RAB3C: variants seen among roughly 807,000 people sequenced by gnomAD.
RAB3C encodes ras-related protein Rab-3C.
Under a neutral mutation model 26.4 loss-of-function variants are expected in RAB3C, and 17 were observed. The ratio of observed to expected loss-of-function variants is 0.64; its 90% confidence interval spans 0.44 to 0.97. RAB3C has a LOEUF of 0.97. RAB3C is among the 50% of genes least tolerant of loss of function. The probability of loss-of-function intolerance (pLI) is 0.00; values close to 1 mark genes in which losing one functional copy is unlikely to be tolerated. For missense variants in RAB3C, 242 were observed against 281.9 expected (o/e 0.86, Z 1.01); for synonymous variants, 91 against 95.9 (o/e 0.95, Z 0.30).
intron 2 of RAB3C, among the ~76,000 whole-genome samples, chr5:58,708,021 C>T (rs1171202011): frequency 1.4e-5 from 2 of 147,766 alleles, no homozygotes; most frequent in Non-Finnish European, 3.0e-5. Context: ...GACAGGGTCT[C>T]TCTGTGTTGC....
chr5:58,640,775 C>A (rs1214793989), intron 2 of RAB3C, among the ~76,000 whole-genome samples: 1 of 152,162 alleles, frequency 6.6e-6, no homozygotes, highest in Non-Finnish European at 1.5e-5. Context: ...GGATGCTAAT[C>A]ACACTTAACA....
chr5:58,811,904 C>T (rs549932084), intron 3 of RAB3C, among the ~76,000 whole-genome samples: 7 of 152,100 alleles, frequency 4.6e-5, no homozygotes, highest in African/African-American at 1.7e-4. Context: ...ACCCCAGAGA[C>T]CCCAGCCCCA....
At chr5:58,603,938 G>A (rs1456420739) in intron 1 of RAB3C, among the ~76,000 whole-genome samples, 1 of 152,208 alleles carries the variant, frequency 6.6e-6, no homozygotes, top group African/African-American at 2.4e-5. Context: ...GGTAGGCTCT[G>A]TCAGAGGGAA....
chr5:58,625,266 C>A (rs1296363528), intron 2 of RAB3C, among the ~76,000 whole-genome samples: 3 of 152,084 alleles, frequency 2.0e-5, no homozygotes, highest in African/African-American at 7.2e-5. Context: ...ATTAATATTG[C>A]TCTTTATAAG....
chr5:58,851,309 C>A lies in RAB3C; in HGVS notation c.642C>A (p.Leu214=), dbSNP rs1220710055. 6.2e-7 allele frequency: 1 copy of A among 1,611,660 alleles called. No individual in the cohort carries two copies. The highest frequency in any genetic ancestry group is 1.7e-5 in the Admixed American group (1 of 59,386). The change falls in exon 5 of 5, where the codon CTC becomes CTA. Residue 214 remains leucine (L), a synonymous_variant. Transcript: ENST00000282878. The part of the protein sequence containing the change: ...AITAAKQNTR[L]KETPPPPQPN... ...CTGCTGCAAAGCAGAACACGAGACTCAAGGAAACTCCTCCTCCACCGCAGC... is the reference window on the plus strand; with the variant it reads ...CTGCTGCAAAGCAGAACACGAGACTAAAGGAAACTCCTCCTCCACCGCAGC...
upstream of RAB3C, chr5:58,582,998 G>A: frequency 7.4e-7 from 1 of 1,353,516 alleles, no homozygotes; most frequent in Non-Finnish European, 9.6e-7. Flanking sequence ...AACACCCGGA[G>A]GGCGAGACTA....
intron 1 of RAB3C, among the ~76,000 whole-genome samples, chr5:58,609,810 C>T (rs1019781723): frequency 6.6e-6 from 1 of 152,148 alleles, no homozygotes; most frequent in African/African-American, 2.4e-5. Context: ...CTGAATCTGA[C>T]CTTTTCCGGG....
intron 2 of RAB3C, among the ~76,000 whole-genome samples, chr5:58,630,824 A>C (rs1747172516): frequency 6.6e-6 from 1 of 152,252 alleles, no homozygotes; most frequent in Non-Finnish European, 1.5e-5. Context: ...TAATATTAGC[A>C]GAAGACTACA....
intron 3 of RAB3C, among the ~76,000 whole-genome samples, chr5:58,745,577 G>A (rs1741387017): frequency 6.6e-6 from 1 of 151,830 alleles, no homozygotes; most frequent in Non-Finnish European, 1.5e-5. Flanking sequence ...AGTCCTCCTT[G>A]TCCCCTAAAG....
At chr5:58,654,514 G>T (rs1747724140) in intron 2 of RAB3C, among the ~76,000 whole-genome samples, 1 of 151,978 alleles carries the variant, frequency 6.6e-6, no homozygotes, top group Admixed American at 6.6e-5. Context: ...TTACAAAGAG[G>T]TTGCTTAAAT....
chr5:58,838,550 T>C (rs1743799641), intron 4 of RAB3C, among the ~76,000 whole-genome samples: 1 of 152,226 alleles, frequency 6.6e-6, no homozygotes, highest in South Asian at 2.1e-4. Context: ...TGTGGTCAGG[T>C]AAGATACTTA....
intron 2 of RAB3C, among the ~76,000 whole-genome samples, chr5:58,628,504 A>T (rs1308012707): frequency 6.6e-6 from 1 of 152,106 alleles, no homozygotes; most frequent in Non-Finnish European, 1.5e-5. Flanking sequence ...GGCCTTTTAG[A>T]ACACAGCCAC....
At chr5:58,748,225 C>T (rs1579896662) in intron 3 of RAB3C, among the ~76,000 whole-genome samples, 1 of 151,952 alleles carries the variant, frequency 6.6e-6, no homozygotes, top group East Asian at 1.9e-4. Flanking sequence ...AAAATACAGG[C>T]AAAACACAAG....
At position 58,596,503 on chromosome 5, in the gene RAB3C, A is replaced by C. The variant is rs1217130328; in HGVS notation, c.24+13271A>C. Among the ~76,000 whole-genome samples the C allele has an allele frequency of 2.9e-5, 4 of 137,038 alleles. No individual in the cohort carries two copies. The Admixed American group carries it at 3.3e-4, about 11-fold the overall frequency. 89.9% of individuals were successfully genotyped at this position (137,038 alleles called of 152,430 possible). On this transcript the variant is annotated intron_variant, in intron 1 of 4. Transcript: ENST00000282878. ...ATATATAGTAAATATATATATAAAT[A>C]TATAATACTATATAATACATATTAT... is the stretch of plus-strand genomic sequence containing the variant.
intron 2 of RAB3C, among the ~76,000 whole-genome samples, chr5:58,720,381 T>G (rs1740721657): frequency 6.6e-6 from 1 of 151,970 alleles, no homozygotes; most frequent in African/African-American, 2.4e-5. Flanking sequence ...AAATGTTTAT[T>G]GAATGAATCA....
intron 1 of RAB3C, among the ~76,000 whole-genome samples, chr5:58,599,562 T>A (rs1746404329): frequency 6.6e-6 from 1 of 152,114 alleles, no homozygotes; most frequent in Admixed American, 6.6e-5. Flanking sequence ...GTGGGCTATC[T>A]CCACTCTGGG....
chr5:58,754,331 T>G (rs1741599506), intron 3 of RAB3C, among the ~76,000 whole-genome samples: 1 of 148,358 alleles, frequency 6.7e-6, no homozygotes, highest in Non-Finnish European at 1.5e-5. Context: ...TGGATATCAT[T>G]GTCGGAAGGG....
chr5:58,614,510 G>A (rs1746784340), intron 1 of RAB3C, among the ~76,000 whole-genome samples: 1 of 151,920 alleles, frequency 6.6e-6, no homozygotes, highest in Admixed American at 6.6e-5. Flanking sequence ...GTCTTCAAGA[G>A]TAAGTGAGTT....
chr5:58,653,591 A>G (rs1328131134), intron 2 of RAB3C, among the ~76,000 whole-genome samples: 1 of 152,244 alleles, frequency 6.6e-6, no homozygotes, highest in Non-Finnish European at 1.5e-5. Context: ...AGTGTGGCAC[A>G]TATACACCAT....
Sources: gnomAD v4.1 joint callset for allele counts (sites outside exome capture counted in the v4.1 genomes callset) on GRCh38, gnomAD v4.1.1 for gene constraint, MANE v1.5 for transcripts, NCBI Gene and HGNC (gene_info 2026-07-23, HGNC 2026-07-21) for gene names.